NCOR2: variants seen among roughly 807,000 people sequenced by gnomAD.
NCOR2 encodes the protein nuclear receptor corepressor 2, also known as CTG repeat protein 26.
Under a neutral mutation model 262.9 loss-of-function variants are expected in NCOR2, and 81 were observed. The observed-to-expected ratio is 0.31, with a 90% CI of 0.26 to 0.37. The LOEUF is 0.37. Ranked by LOEUF, NCOR2 falls within the 10% of genes least tolerant of loss-of-function variation. NCOR2 has a pLI of 1.00. For missense variants in NCOR2, 3,385 were observed against 3,621.4 expected (o/e 0.93, Z 1.68); for synonymous variants, 1,659 against 1,559.3 (o/e 1.06, Z -1.51).
At chr12:124,478,198 G>A (rs1009895447) in intron 3 of NCOR2, among the ~76,000 whole-genome samples, 5 of 152,210 alleles carry the variant, frequency 3.3e-5, no homozygotes, top group Non-Finnish European at 7.3e-5. Context: ...AGATGGCAGA[G>A]CCAAGGGATG....
chr12:124,363,683 G>C (rs200740729), exon 21 of NCOR2: 46 of 1,388,850 alleles, frequency 3.3e-5, no homozygotes, highest in Middle Eastern at 1.9e-4. Context: ...ACTCACGATG[G>C]GGGGGATGGC....
chr12:124,379,096 C>T (rs1198446632), intron 17 of NCOR2, among the ~76,000 whole-genome samples: 2 of 152,256 alleles, frequency 1.3e-5, no homozygotes, highest in African/African-American at 4.8e-5. Context: ...GACATTTGAG[C>T]CAAGATTTGA....
intron 13 of NCOR2, among the ~76,000 whole-genome samples, chr12:124,406,264 A>C (rs915578674): frequency 6.6e-6 from 1 of 152,220 alleles, no homozygotes; most frequent in Admixed American, 6.5e-5. Flanking sequence ...GGTGGGCCGG[A>C]TTTGGCCTGT....
intron 14 of NCOR2, among the ~76,000 whole-genome samples, chr12:124,401,604 ATGCAGGCCTAGCC>A (rs1190173998): frequency 4.9e-4 from 75 of 152,360 alleles, no homozygotes; most frequent in African/African-American, 1.7e-3. Context: ...TGCTGGTTTT[ATGCAGGCCTAGCC>A]TGCAGGCCTA....
upstream of NCOR2, among the ~76,000 whole-genome samples, chr12:124,497,560 A>G (rs549262732): frequency 7.5e-4 from 114 of 152,348 alleles, no homozygotes; most frequent in Middle Eastern, 0.014. The surrounding 1 kb of genome is among the most constrained non-coding windows in gnomAD (Gnocchi z 4.2). Flanking sequence ...GAAGCTTATT[A>G]TCAGCATAGG....
Position 124,391,556 on chromosome 12 carries a change from G to T in NCOR2, c.1877-5669C>A, listed in dbSNP as rs536865139. Reference sequence around the variant, plus strand: ...TCCGCATTGACACCCTTGACAGGCCGGGCACTCCTGCGTGTCTTGTCAGGA... The same window carrying T: ...TCCGCATTGACACCCTTGACAGGCCTGGCACTCCTGCGTGTCTTGTCAGGA... On this transcript the variant is annotated intron_variant, in intron 16 of 46. Transcript: ENST00000405201. Among the ~76,000 whole-genome samples, 4 of 152,218 alleles carry T rather than the reference G, an allele frequency of 2.6e-5. 1 individual carries two copies. Among genetic ancestry groups the T allele is most frequent in the East Asian group, 1.9e-4 (1 of 5,174 alleles).
chr12:124,410,119 A>C (rs1406623502), intron 13 of NCOR2, among the ~76,000 whole-genome samples: 2 of 150,718 alleles, frequency 1.3e-5, no homozygotes, highest in Non-Finnish European at 3.0e-5. Flanking sequence ...CAGCTGCCAC[A>C]GACACCAAGG....
At chr12:124,484,818 C>G (rs1593770032) in intron 2 of NCOR2, among the ~76,000 whole-genome samples, 1 of 152,246 alleles carries the variant, frequency 6.6e-6, no homozygotes, top group East Asian at 1.9e-4. Context: ...CTCCCCCACC[C>G]ATGAATGAAC....
chr12:124,521,516 A>G (rs558670767), intron 1 of NCOR2, among the ~76,000 whole-genome samples: 2 of 152,322 alleles, frequency 1.3e-5, no homozygotes, highest in Admixed American at 1.3e-4. Flanking sequence ...CAAAACCCAC[A>G]GTGCATGATT....
Position 124,481,912 on chromosome 12 carries a change from T to G in NCOR2, c.411+1684A>C, listed in dbSNP as rs775350518. On this transcript the variant is annotated intron_variant, in intron 3 of 46. Coordinates refer to ENST00000405201, the Ensembl canonical transcript of NCOR2. This position sits in a 1 kb window ranked among gnomAD's most constrained non-coding sequence, Gnocchi z 4.6. ...CAGGAGGAGGCTACTGCAAAGTTAC[T>G]GGAGAGCAATGACGAGCTCAGGCCG... 1.3e-5 allele frequency among the ~76,000 whole-genome samples: 2 copies of G among 152,062 alleles called. No individual in the cohort carries two copies. The highest frequency in any genetic ancestry group is 2.9e-5 in the Non-Finnish European group (2 of 68,002).
At chr12:124,391,963 C>T (rs12423923) in intron 16 of NCOR2, among the ~76,000 whole-genome samples, 33,707 of 152,226 alleles carry the variant, frequency 0.22, 4,175 homozygotes, top group Non-Finnish European at 0.25. Flanking sequence ...CTGTGTCCAC[C>T]GCAGTGGGCT....
At chr12:124,511,260 C>G (rs569316525) in intron 1 of NCOR2, among the ~76,000 whole-genome samples, 2 of 152,328 alleles carry the variant, frequency 1.3e-5, no homozygotes, top group South Asian at 2.1e-4. Flanking sequence ...CAGGTCCACA[C>G]AGCCGGCCGG....
rs1005943113 is a variant in NCOR2, at chr12:124,340,595, G to A, written c.5338+7C>T. On this transcript the variant is annotated splice_region_variant and intron_variant, in intron 35 of 46. Coordinates refer to ENST00000405201, the Ensembl canonical transcript of NCOR2. Reference sequence around the variant, plus strand: ...GGTCCCCACCCCAGACTGGGCAGTGGCGCTACCTGGGGAGAGTGGGGAGCT... The same window carrying A: ...GGTCCCCACCCCAGACTGGGCAGTGACGCTACCTGGGGAGAGTGGGGAGCT... The A allele has an allele frequency of 2.7e-6, 4 of 1,503,468 alleles. No individual in the cohort carries two copies. Among genetic ancestry groups the A allele is most frequent in the Middle Eastern group, 1.8e-4 (1 of 5,512 alleles). 93.1% of individuals were successfully genotyped at this position (1,503,468 alleles called of 1,614,324 possible).
At chr12:124,343,154 G>A (rs757164770) in exon 33 of NCOR2, 12 of 1,611,290 alleles carry the variant, frequency 7.4e-6, no homozygotes, top group Admixed American at 1.7e-5. Context: ...GGTGCTGTGC[G>A]GGGACTTGGC....
At chr12:124,437,873 C>G in intron 8 of NCOR2, 57 bp downstream of exon 10, 1 of 1,528,056 alleles carries the variant, frequency 6.5e-7, no homozygotes, top group Non-Finnish European at 8.9e-7. Context: ...GCCCCCTGTG[C>G]GCTCGATTCT....
rs1248553454 is a variant in NCOR2 at position 124,385,898 on chromosome 12, A to G, written c.1877-11T>C. ...CGTGTTCCAGGAGACCTGTCTCAGG[A>G]GAGGAGGGCAGTGAGAAGAGGCCAG... On this transcript the variant is annotated splice_polypyrimidine_tract_variant and intron_variant, in intron 16 of 46. Transcript: ENST00000405201. 6.2e-7 allele frequency: 1 copy of G among 1,611,618 alleles called. No homozygotes were observed. The highest frequency in any genetic ancestry group is 2.2e-5 in the East Asian group (1 of 44,802).
exon 37 of NCOR2, chr12:124,340,069 A>G: frequency 1.2e-6 from 2 of 1,612,994 alleles, no homozygotes; most frequent in Non-Finnish European, 1.7e-6. Context: ...TGTGTTGTGA[A>G]GCACACTGGG....
At chr12:124,470,407 T>C (rs1214418396) in intron 4 of NCOR2, among the ~76,000 whole-genome samples, 1 of 152,118 alleles carries the variant, frequency 6.6e-6, no homozygotes, top group African/African-American at 2.4e-5. Flanking sequence ...TCAACACAAA[T>C]GTTCAACAGC....
rs988753980 is a variant in NCOR2, at chr12:124,548,955, C to T, written c.-164-13344G>A. ...AGCCAGCCACTCCTCCCTCTCGTTTCCCCGCTTCCCCTTACCCGACGGTTG... is the reference window on the plus strand; with the variant it reads ...AGCCAGCCACTCCTCCCTCTCGTTTTCCCGCTTCCCCTTACCCGACGGTTG... On this transcript the variant is annotated intron_variant, in intron 1 of 32. Transcript: ENST00000458234. The surrounding 1 kb of genome is among the most constrained non-coding windows in gnomAD (Gnocchi z 5.1). 6.6e-6 allele frequency among the ~76,000 whole-genome samples: 1 copy of T among 152,198 alleles called. No homozygotes were observed. The highest frequency in any genetic ancestry group is 2.4e-5 in the African/African-American group (1 of 41,440).
Sources: gnomAD v4.1 joint callset for allele counts (sites outside exome capture counted in the v4.1 genomes callset) on GRCh38, gnomAD v4.1.1 for gene constraint, Gnocchi (gnomAD v3.1) non-coding constraint, MANE v1.5 for transcripts, NCBI Gene and HGNC (gene_info 2026-07-23, HGNC 2026-07-21) for gene names.